Variants in IGF2BP2 observed in about 807,000 individuals in gnomAD.
The protein encoded by IGF2BP2 is insulin-like growth factor 2 mRNA-binding protein 2.
A neutral mutation model predicts 75.8 loss-of-function variants in IGF2BP2; 17 were observed. The ratio of observed to expected loss-of-function variants is 0.22; its 90% CI spans 0.15 to 0.34. The LOEUF is 0.34. IGF2BP2 is among the 10% of genes least tolerant of loss of function. The probability of loss-of-function intolerance (pLI) is 1.00; values close to 1 mark genes in which losing one functional copy is unlikely to be tolerated. For synonymous variants in IGF2BP2, 288 were observed against 295.6 expected, an observed-to-expected ratio of 0.97 and a Z score of 0.26; for missense variants, 516 against 772.4, an observed-to-expected ratio of 0.67 and a Z score of 3.93.
chr3:185,654,419 T>C (rs186208042), intron 12 of IGF2BP2, among the ~76,000 whole-genome samples: 3 of 152,326 alleles, frequency 2.0e-5, no homozygotes, highest in African/African-American at 4.8e-5. Context: ...GAGCAGATCA[T>C]GGCTGTGTGG....
At chr3:185,810,018 A>G (rs1323449204) in intron 2 of IGF2BP2, among the ~76,000 whole-genome samples, 2 of 152,210 alleles carry the variant, frequency 1.3e-5, no homozygotes, top group Non-Finnish European at 2.9e-5. Context: ...GGAGCCAAAT[A>G]TTAATAAAAT....
At chr3:185,789,096 G>C (rs537118797) in intron 2 of IGF2BP2, among the ~76,000 whole-genome samples, 19 of 151,816 alleles carry the variant, frequency 1.3e-4, no homozygotes, top group Non-Finnish European at 1.9e-4. Context: ...GCGAATATTC[G>C]ATCCTCCCGC....
chr3:185,716,024 A>G (rs1725557578), intron 2 of IGF2BP2, among the ~76,000 whole-genome samples: 1 of 152,186 alleles, frequency 6.6e-6, no homozygotes, highest in Non-Finnish European at 1.5e-5. Flanking sequence ...TCTCAAAATA[A>G]AAGCATCTCC....
In IGF2BP2 at chr3:185,645,709, G is replaced by A; in HGVS notation, c.1708-86C>T. The A allele has an allele frequency of 1.1e-6, 1 of 948,498 alleles. No homozygotes were observed. Among genetic ancestry groups the A allele is most frequent in the East Asian group, 2.4e-5 (1 of 41,366 alleles). 58.8% of individuals were successfully genotyped at this position (948,498 alleles called of 1,614,324 possible). A position where few individuals can be genotyped will look rare whatever the true frequency, so the allele number is the denominator to read the frequency against. ...GACAAACGGCAGGGGAGGCTCTGGG[G>A]CTTGGGGATGAAGGGTGGAATGCTC... On this transcript the variant is annotated intron_variant, in intron 15 of 15. Transcript: ENST00000382199. This position sits in a 1 kb window ranked among gnomAD's most constrained non-coding sequence, Gnocchi z 4.9.
intron 2 of IGF2BP2, among the ~76,000 whole-genome samples, chr3:185,820,609 G>A (rs1180099660): frequency 6.6e-6 from 1 of 152,016 alleles, no homozygotes; most frequent in African/African-American, 2.4e-5. Context: ...AGTCTATTAT[G>A]CTATTATAAA....
intron 12 of IGF2BP2, among the ~76,000 whole-genome samples, chr3:185,653,599 C>T (rs1019818261): frequency 2.0e-5 from 3 of 151,202 alleles, no homozygotes; most frequent in Admixed American, 1.3e-4. Flanking sequence ...GGTGACAGAG[C>T]GAGACTCCGT....
chr3:185,675,271 G>T, intron 9 of IGF2BP2, 25 bp downstream of exon 9: 12 of 1,594,730 alleles, frequency 7.5e-6, no homozygotes, highest in Non-Finnish European at 1.0e-5. Flanking sequence ...GAAAACCAGC[G>T]GAGAAGAAAG....
At chr3:185,782,058 T>C (rs796726278) in intron 2 of IGF2BP2, among the ~76,000 whole-genome samples, 52 of 152,244 alleles carry the variant, frequency 3.4e-4, no homozygotes, top group African/African-American at 1.2e-3. Context: ...CCATAACCAT[T>C]TAAAACATAT....
rs1178123225 is a variant in IGF2BP2 at position 185,645,936 on chromosome 3, A to G, written c.1708-313T>C. Among the ~76,000 whole-genome samples, 1 of 152,086 alleles carries G rather than the reference A, an allele frequency of 6.6e-6. No homozygotes were observed. Among genetic ancestry groups the G allele is most frequent in the African/African-American group, 2.4e-5 (1 of 41,416 alleles). ...GCAACTGGGGGCCGTGCAGAGTCAG[A>G]TGCTACACTTGGGCTCCCGTGCTGC... On this transcript the variant is annotated intron_variant, in intron 15 of 15. Coordinates refer to ENST00000382199, the MANE Select transcript of IGF2BP2 (RefSeq NM_006548.6). The surrounding 1 kb of genome is among the most constrained non-coding windows in gnomAD (Gnocchi z 4.9).
chr3:185,732,082 G>GA (rs1323946039), intron 2 of IGF2BP2, among the ~76,000 whole-genome samples: 1 of 152,158 alleles, frequency 6.6e-6, no homozygotes, highest in African/African-American at 2.4e-5. Context: ...GTCCATCTGG[G>GA]AAACTCCAAC....
rs577220912 is a variant in IGF2BP2, at chr3:185,662,370, TG to T, written c.1201-3962del. Among the ~76,000 whole-genome samples, 23 of 151,366 alleles carry T rather than the reference TG, an allele frequency of 1.5e-4. 1 individual carries two copies. Among genetic ancestry groups the T allele is most frequent in the African/African-American group, 5.6e-4 (23 of 41,332 alleles). On this transcript the variant is annotated intron_variant, in intron 10 of 15. Transcript: ENST00000382199. The stretch of plus-strand genomic sequence containing the variant: ...GTGCACATCTGTAGTTCCAGCTACT[TG>T]GGAGGCTGAGGCAGGGGAACTGCTT...
chr3:185,676,287 C>A (rs1483466617), intron 7 of IGF2BP2, among the ~76,000 whole-genome samples: 1 of 152,184 alleles, frequency 6.6e-6, no homozygotes, highest in African/African-American at 2.4e-5. Context: ...TTCCCCCTCA[C>A]ACACACCTCA....
chr3:185,675,639 G>C (rs1291562260), intron 8 of IGF2BP2, 152 bp downstream of exon 8: 16 of 1,117,896 alleles, frequency 1.4e-5, no homozygotes, highest in Admixed American at 9.6e-5. Context: ...TACCTGGTAA[G>C]TATTTATGTA....
chr3:185,792,969 AGCACACAAGG>A (rs1233846322), intron 2 of IGF2BP2, among the ~76,000 whole-genome samples: 2 of 152,138 alleles, frequency 1.3e-5, no homozygotes, highest in South Asian at 4.2e-4. Flanking sequence ...CTACTGCCTT[AGCACACAAGG>A]GCACACAAGA....
At chr3:185,787,701 C>A (rs1383576121) in intron 2 of IGF2BP2, among the ~76,000 whole-genome samples, 1 of 151,504 alleles carries the variant, frequency 6.6e-6, no homozygotes, top group Non-Finnish European at 1.5e-5. Flanking sequence ...CCACTGCACT[C>A]CCGCCTGGGC....
chr3:185,816,521 T>G (rs114482701), intron 2 of IGF2BP2, among the ~76,000 whole-genome samples: 94 of 152,286 alleles, frequency 6.2e-4, no homozygotes, highest in African/African-American at 2.1e-3. Flanking sequence ...TACAACACAT[T>G]CAGCTGACTT....
chr3:185,727,217 C>CAAA (rs11294125), intron 2 of IGF2BP2, among the ~76,000 whole-genome samples: 4 of 106,210 alleles, frequency 3.8e-5, no homozygotes, highest in African/African-American at 1.3e-4. Context: ...GACTCCGTCT[C>CAAA]AAAAAAAAAA....
chr3:185,675,780 A>C lies in IGF2BP2; in HGVS notation c.935+11T>G. On this transcript the variant is annotated intron_variant, in intron 8 of 15. Coordinates refer to ENST00000382199, the MANE Select transcript of IGF2BP2 (RefSeq NM_006548.6). ...ATTATTGGGCATGAGTAATCTGAGT[A>C]AGTGGCTTACGATGAGATTGTTATC... 6.2e-7 allele frequency: 1 copy of C among 1,611,932 alleles called. No individual in the cohort carries two copies. Among genetic ancestry groups the C allele is most frequent in the Non-Finnish European group, 8.5e-7 (1 of 1,179,658 alleles).
intron 2 of IGF2BP2, among the ~76,000 whole-genome samples, chr3:185,779,293 T>C (rs1010196109): frequency 6.6e-6 from 1 of 152,140 alleles, no homozygotes; most frequent in African/African-American, 2.4e-5. Flanking sequence ...ATTTTCAAAG[T>C]GTATTGTGAG....
Sources: gnomAD v4.1 joint callset for allele counts (sites outside exome capture counted in the v4.1 genomes callset) on GRCh38, gnomAD v4.1.1 for gene constraint, Gnocchi (gnomAD v3.1) non-coding constraint, MANE v1.5 for transcripts, NCBI Gene and HGNC (gene_info 2026-07-23, HGNC 2026-07-21) for gene names.